PRCP: variants seen among roughly 807,000 people sequenced by gnomAD.
PRCP encodes the protein lysosomal Pro-X carboxypeptidase.
PRCP carries 46 observed loss-of-function variants against 54.2 expected under a neutral mutation model. That is an observed-to-expected ratio of 0.85 (90% CI 0.67 to 1.09). The LOEUF (loss-of-function observed/expected upper bound fraction) is 1.09. Among genes scored for constraint, PRCP ranks in the 50% least tolerant of loss-of-function variants. The pLI is 0.00. For missense variants in PRCP, 613 were observed against 596.8 expected (o/e 1.03, Z -0.28); for synonymous variants, 240 against 212.2 (o/e 1.13, Z -1.14).
At chr11:82,847,549 G>A (rs1206885558) in intron 6 of PRCP, among the ~76,000 whole-genome samples, 1 of 152,176 alleles carries the variant, frequency 6.6e-6, no homozygotes, top group African/African-American at 2.4e-5. Flanking sequence ...AGATGTTTAT[G>A]GAGATGAACT....
chr11:82,854,395 C>T (rs1199087388), intron 2 of PRCP, among the ~76,000 whole-genome samples: 3 of 151,980 alleles, frequency 2.0e-5, no homozygotes, highest in Non-Finnish European at 4.4e-5. Flanking sequence ...AAACACAATC[C>T]CATTTACAAT....
At position 82,900,277 on chromosome 11, in the gene PRCP, C is replaced by A; in HGVS notation, c.126G>T (p.Pro42=). The A allele has an allele frequency of 1.2e-6, 2 of 1,614,216 alleles. No homozygotes were observed. Among genetic ancestry groups the A allele is most frequent in the East Asian group, 2.2e-5 (1 of 44,884 alleles). ...GAACCGAATAGTTCTTGGCTACAGC[C>A]GGGAGGGATGTGGGGTTGGTTGGCA... The part of the protein sequence containing the change: ...LHLPTNPTSL[P]AVAKNYSVLY... Residue 42 remains proline, a synonymous_variant, in exon 1 of 9, where the codon CCG becomes CCT. Coordinates refer to ENST00000313010, the MANE Select transcript of PRCP (RefSeq NM_005040.4).
chr11:82,839,859 A>T (rs1858618254), intron 6 of PRCP: 1 of 183,592 alleles, frequency 5.4e-6, no homozygotes, highest in African/African-American at 2.4e-5. Flanking sequence ...CCTCCTCTTC[A>T]AGGCCATCCT....
chr11:82,839,678 A>G, intron 6 of PRCP: 1 of 432,012 alleles, frequency 2.3e-6, no homozygotes, highest in Non-Finnish European at 4.1e-6. Context: ...CTACCATCTT[A>G]GCTTCCTCTT....
At position 82,844,378 on chromosome 11, in the gene PRCP, A is replaced by G. The variant is rs143085780; in HGVS notation, c.921+4671T>C. 1.7e-3 allele frequency among the ~76,000 whole-genome samples: 254 copies of G among 152,232 alleles called. 6 individuals carry two copies. In the East Asian group the frequency reaches 0.044, roughly 26 times the overall value. ...TTCAAGGCTGCAGTGAGCTAAAATC[A>G]TGCCATTGCACTCCAGCCTGGGTAA... On this transcript the variant is annotated intron_variant, in intron 6 of 8. Coordinates refer to ENST00000313010, the MANE Select transcript of PRCP (RefSeq NM_005040.4).
At chr11:82,844,400 G>A (rs1304715522) in intron 6 of PRCP, among the ~76,000 whole-genome samples, 7 of 152,042 alleles carry the variant, frequency 4.6e-5, no homozygotes, top group Non-Finnish European at 7.4e-5. Context: ...TCCAGCCTGG[G>A]TAACAGAATG....
intron 1 of PRCP, among the ~76,000 whole-genome samples, chr11:82,894,242 T>G (rs1487311543): frequency 6.6e-6 from 1 of 152,186 alleles, no homozygotes; most frequent in Non-Finnish European, 1.5e-5. Flanking sequence ...AACACAATGT[T>G]TTATTATATT....
intron 8 of PRCP, chr11:82,830,999 T>C (rs965282419): frequency 2.5e-4 from 37 of 148,618 alleles, no homozygotes; most frequent in African/African-American, 8.5e-4. Flanking sequence ...TTGAATTTCT[T>C]GGTCCTAGAC....
At chr11:82,833,979 GATC>G (rs965013800) in intron 8 of PRCP, among the ~76,000 whole-genome samples, 1 of 152,016 alleles carries the variant, frequency 6.6e-6, no homozygotes, top group Non-Finnish European at 1.5e-5. Flanking sequence ...TGATGATGAT[GATC>G]ATCATCATCG....
chr11:82,874,690 CAAAAAAAA>C (rs36084037), intron 1 of PRCP, among the ~76,000 whole-genome samples: 2 of 68,834 alleles, frequency 2.9e-5, no homozygotes, highest in African/African-American at 4.2e-5. Flanking sequence ...GACCCTGTCT[CAAAAAAAA>C]AAAAAAAAAA....
At chr11:82,883,448 C>T (rs1859796657) in intron 1 of PRCP, among the ~76,000 whole-genome samples, 1 of 152,328 alleles carries the variant, frequency 6.6e-6, no homozygotes, top group South Asian at 2.1e-4. Flanking sequence ...TGTGTAATGT[C>T]TGGCACACAG....
chr11:82,838,171 G>A lies in PRCP; in HGVS notation c.1274+216C>T, dbSNP rs78574771. Among the ~76,000 whole-genome samples, 1,088 of 152,146 alleles carry A rather than the reference G, an allele frequency of 7.2e-3. 7 individuals carry two copies. The highest frequency in any genetic ancestry group is 0.012 in the Non-Finnish European group (818 of 67,970). ...TTAATATTTAAAAAATTTTGTTGCT[G>A]TTGATTTTTAAGACTTTCATAAAGC... On this transcript the variant is annotated intron_variant, in intron 8 of 8. Coordinates refer to ENST00000313010, the MANE Select transcript of PRCP (RefSeq NM_005040.4).
chr11:82,859,682 A>G (rs957864113), intron 2 of PRCP, among the ~76,000 whole-genome samples: 2 of 152,180 alleles, frequency 1.3e-5, no homozygotes, highest in Non-Finnish European at 2.9e-5. Context: ...TGAAAAATAC[A>G]ATAAAATAAA....
intron 1 of PRCP, among the ~76,000 whole-genome samples, chr11:82,866,900 T>C (rs2121197519): frequency 6.6e-6 from 1 of 152,148 alleles, no homozygotes; most frequent in African/African-American, 2.4e-5. Flanking sequence ...TTTTGTATTT[T>C]TAGTAGAGAC....
At chr11:82,889,158 A>G (rs1368252055) in intron 1 of PRCP, among the ~76,000 whole-genome samples, 1 of 152,082 alleles carries the variant, frequency 6.6e-6, no homozygotes, top group African/African-American at 2.4e-5. Flanking sequence ...CCAGAAGTTC[A>G]AGACCAGCCT....
intron 2 of PRCP, among the ~76,000 whole-genome samples, chr11:82,859,314 G>A (rs917702096): frequency 7.9e-5 from 12 of 152,148 alleles, no homozygotes; most frequent in African/African-American, 2.9e-4. Flanking sequence ...GGTAGAACAG[G>A]AAAGCTAAAC....
intron 1 of PRCP, among the ~76,000 whole-genome samples, chr11:82,888,067 G>A (rs933487670): frequency 6.6e-6 from 1 of 152,112 alleles, no homozygotes; most frequent in Non-Finnish European, 1.5e-5. Context: ...ACATAAAACT[G>A]TGCTTAAATA....
chr11:82,886,809 T>C (rs2121257388), intron 1 of PRCP, among the ~76,000 whole-genome samples: 1 of 152,302 alleles, frequency 6.6e-6, no homozygotes, highest in African/African-American at 2.4e-5. Flanking sequence ...AAATATGCAT[T>C]TATTCAGTGC....
chr11:82,842,272 G>A (rs1858691828), intron 6 of PRCP, among the ~76,000 whole-genome samples: 1 of 152,156 alleles, frequency 6.6e-6, no homozygotes, highest in Non-Finnish European at 1.5e-5. Flanking sequence ...CTGGAGACCG[G>A]CACTGGCTGA....
Sources: gnomAD v4.1 joint callset for allele counts (sites outside exome capture counted in the v4.1 genomes callset) on GRCh38, gnomAD v4.1.1 for gene constraint, MANE v1.5 for transcripts, NCBI Gene and HGNC (gene_info 2026-07-23, HGNC 2026-07-21) for gene names.